The following RBMS2 variants were observed in gnomAD, a reference collection of about 807,000 sequenced individuals.
The protein encoded by RBMS2 is RNA binding motif single stranded interacting protein 2.
A neutral mutation model predicts 58.4 loss-of-function variants in RBMS2; 38 were observed. That is an observed-to-expected ratio of 0.65 (90% CI 0.50 to 0.85). The LOEUF (loss-of-function observed/expected upper bound fraction) is 0.85, where lower values mean the gene tolerates loss of function less well. Among genes scored for constraint, RBMS2 ranks in the 40% least tolerant of loss-of-function variants. RBMS2 has a pLI of 0.00. For synonymous variants in RBMS2, 151 were observed against 180.7 expected, an observed-to-expected ratio of 0.84 and a Z score of 1.32; for missense variants, 367 against 503.7, an observed-to-expected ratio of 0.73 and a Z score of 2.60.
chr12:56,548,488 A>AGG (rs1382539225), intron 1 of RBMS2, among the ~76,000 whole-genome samples: 1 of 152,180 alleles, frequency 6.6e-6, no homozygotes, highest in African/African-American at 2.4e-5. Flanking sequence ...AATGACTGAA[A>AGG]TAGTGCAAAG....
chr12:56,570,041 C>T, intron 4 of RBMS2, 51 bp downstream of exon 4: 1 of 1,515,380 alleles, frequency 6.6e-7, no homozygotes, highest in Non-Finnish European at 9.1e-7. Flanking sequence ...TGGTTAGCAC[C>T]AAAGTTCCAG....
At position 56,569,886 on chromosome 12, in the gene RBMS2, T is replaced by C; in HGVS notation, c.293-13T>C. 1 of 1,603,200 alleles carries C rather than the reference T, an allele frequency of 6.2e-7. No homozygotes were observed. The highest frequency in any genetic ancestry group is 8.5e-7 in the Non-Finnish European group (1 of 1,170,178). The stretch of plus-strand genomic sequence containing the variant: ...CCTCCCACTTCCTAGTGATGCTGTT[T>C]CCTCTGTTCCAGGCTATGGCTTTGT... On this transcript the variant is annotated splice_polypyrimidine_tract_variant and intron_variant, in intron 3 of 13. Coordinates refer to ENST00000262031, the MANE Select transcript of RBMS2 (RefSeq NM_002898.4).
Position 56,570,016 on chromosome 12 carries a change from C to A in RBMS2, c.384+26C>A, listed in dbSNP as rs773136710. The A allele has an allele frequency of 1.5e-5, 23 of 1,576,058 alleles. No homozygotes were observed. The Admixed American group carries it at 3.7e-4, about 25-fold the overall frequency. On this transcript the variant is annotated intron_variant, in intron 4 of 13. Transcript: ENST00000262031. ...GTAAGGGTACTACCCCATGTCTGTTCCTCCAAGGGGTTTGTGGTTAGCACC... is the reference window on the plus strand; with the variant it reads ...GTAAGGGTACTACCCCATGTCTGTTACTCCAAGGGGTTTGTGGTTAGCACC...
chr12:56,560,245 A>C (rs1019275713), intron 1 of RBMS2, among the ~76,000 whole-genome samples: 1 of 148,132 alleles, frequency 6.8e-6, no homozygotes, highest in Non-Finnish European at 1.5e-5. Flanking sequence ...ATATATATTT[A>C]TCACAACCTT....
At chr12:56,538,241 C>T (rs1014490372) in intron 1 of RBMS2, among the ~76,000 whole-genome samples, 6 of 151,908 alleles carry the variant, frequency 3.9e-5, no homozygotes, top group Non-Finnish European at 7.4e-5. Context: ...CCATGTTGGC[C>T]AGGCTGGTGT....
intron 1 of RBMS2, among the ~76,000 whole-genome samples, chr12:56,536,316 G>GT (rs537936165): frequency 1.6e-4 from 25 of 151,708 alleles, no homozygotes; most frequent in Non-Finnish European, 3.2e-4. Flanking sequence ...TAGTGATAGG[G>GT]TTTCACCATG....
Position 56,582,073 on chromosome 12 carries a change from C to T in RBMS2, c.794C>T (p.Pro265Leu). The T allele has an allele frequency of 6.2e-7, 1 of 1,611,518 alleles. No individual in the cohort carries two copies. Among genetic ancestry groups the T allele is most frequent in the Non-Finnish European group, 8.5e-7 (1 of 1,178,448 alleles). ...TALQNGFYPA[P>L]YNITPNRMLA... ...CCTTCCCACAGGTTTTACCCAGCCCCCTATAACATCACCCCCAACAGGATG... is the reference window on the plus strand; with the variant it reads ...CCTTCCCACAGGTTTTACCCAGCCCTCTATAACATCACCCCCAACAGGATG... Residue 265 changes from proline (P) to leucine (L), a missense_variant, in exon 9 of 14, where the codon CCC (proline) becomes CTC (leucine). Pro to Leu is a moderately conservative substitution (Grantham distance 98). Coordinates refer to ENST00000262031, the MANE Select transcript of RBMS2 (RefSeq NM_002898.4).
intron 1 of RBMS2, among the ~76,000 whole-genome samples, chr12:56,551,133 GA>G (rs71081379): frequency 0.35 from 50,091 of 144,514 alleles, 8,659 homozygotes; most frequent in South Asian, 0.53. Context: ...AAAAAAAAAA[GA>G]AAAAAAAAAG....
chr12:56,526,091 A>G (rs1490331802), intron 1 of RBMS2, among the ~76,000 whole-genome samples: 1 of 151,836 alleles, frequency 6.6e-6, no homozygotes, highest in Non-Finnish European at 1.5e-5. Flanking sequence ...CAGATGGCTC[A>G]AGGTCAGGAG....
chr12:56,551,878 G>A (rs187671056), intron 1 of RBMS2, among the ~76,000 whole-genome samples: 26 of 152,230 alleles, frequency 1.7e-4, no homozygotes, highest in Non-Finnish European at 1.3e-4. Context: ...ACCTGAGGTC[G>A]GGAGTTCAAG....
Position 56,589,341 on chromosome 12 carries a change from G to A in RBMS2, c.*208G>A. The stretch of plus-strand genomic sequence containing the variant: ...TTTACTATTGCTGATGGAGCCTGGG[G>A]GAACCATCACTTTTTTTGTGTGCTA... On this transcript the variant is annotated 3_prime_UTR_variant, in exon 14 of 14. Transcript: ENST00000262031. The A allele has an allele frequency of 2.4e-6, 3 of 1,242,686 alleles. No homozygotes were observed. Among genetic ancestry groups the A allele is most frequent in the Non-Finnish European group, 3.1e-6 (3 of 971,956 alleles). The allele number at this position is 1,242,686 out of a possible 1,614,324, so 77.0% of individuals were successfully genotyped here.
At chr12:56,549,509 A>T (rs1479737396) in intron 1 of RBMS2, among the ~76,000 whole-genome samples, 1 of 152,146 alleles carries the variant, frequency 6.6e-6, no homozygotes, top group Non-Finnish European at 1.5e-5. Flanking sequence ...ACTCAGTAAG[A>T]CAGGAAACAT....
At chr12:56,524,230 G>A (rs1387008400) in intron 1 of RBMS2, among the ~76,000 whole-genome samples, 1 of 152,126 alleles carries the variant, frequency 6.6e-6, no homozygotes, top group Non-Finnish European at 1.5e-5. Context: ...GTTGGAATTG[G>A]TTGGGGAGGA....
At chr12:56,535,494 C>CAAAAAAAAA (rs59905092) in intron 1 of RBMS2, among the ~76,000 whole-genome samples, 4 of 97,738 alleles carry the variant, frequency 4.1e-5, no homozygotes, top group Admixed American at 3.6e-4. Flanking sequence ...GACTCCATCT[C>CAAAAAAAAA]AAAAAAAAAA....
At position 56,590,918 on chromosome 12, in the gene RBMS2, C is replaced by G. The variant is rs1885259660; in HGVS notation, c.*1785C>G. On this transcript the variant is annotated 3_prime_UTR_variant, in exon 14 of 14. Transcript: ENST00000262031. ...CCTTCTGTGGAAGGACAACGGGGAG[C>G]TAGGGTAGCAAAGAGCAATAAATTC... 6.6e-6 allele frequency: 1 copy of G among 152,124 alleles called. No individual in the cohort carries two copies. Among genetic ancestry groups the G allele is most frequent in the Admixed American group, 6.6e-5 (1 of 15,252 alleles). 9.4% of individuals were successfully genotyped at this position (152,124 alleles called of 1,614,324 possible).
rs1885664103 is a variant in RBMS2, at chr12:56,595,364, C to T, written c.*6231C>T. The T allele has an allele frequency of 6.6e-6, 1 of 152,130 alleles. No individual in the cohort carries two copies. Among genetic ancestry groups the T allele is most frequent in the Admixed American group, 6.5e-5 (1 of 15,272 alleles). 9.4% of individuals were successfully genotyped at this position (152,130 alleles called of 1,614,324 possible). On this transcript the variant is annotated 3_prime_UTR_variant, in exon 14 of 14. Transcript: ENST00000262031. Reference sequence around the variant, plus strand: ...CATATACCCTTTTTGGGTGGGTAAACACCTCTTTGCATGTGGACAGAAAAT... The same window carrying T: ...CATATACCCTTTTTGGGTGGGTAAATACCTCTTTGCATGTGGACAGAAAAT...
chr12:56,582,858 C>T (rs939792316), intron 9 of RBMS2, among the ~76,000 whole-genome samples: 19 of 152,106 alleles, frequency 1.2e-4, no homozygotes, highest in African/African-American at 4.6e-4. Flanking sequence ...TTAGTAGAGA[C>T]GGGGTTTCAC....
chr12:56,562,686 C>T, intron 2 of RBMS2, 103 bp downstream of exon 2: 1 of 1,274,250 alleles, frequency 7.8e-7, no homozygotes. Context: ...CTCCTGGGCT[C>T]AAGTGATCCT....
chr12:56,528,187 C>G (rs1171209253), intron 1 of RBMS2, among the ~76,000 whole-genome samples: 2 of 150,720 alleles, frequency 1.3e-5, no homozygotes, highest in Non-Finnish European at 2.9e-5. Context: ...GAGGTCGAGG[C>G]TACAGTGAGC....
Sources: gnomAD v4.1 joint callset for allele counts (sites outside exome capture counted in the v4.1 genomes callset) on GRCh38, gnomAD v4.1.1 for gene constraint, MANE v1.5 for transcripts, NCBI Gene and HGNC (gene_info 2026-07-23, HGNC 2026-07-21) for gene names.